Variants in PALM observed in about 807,000 individuals in gnomAD.
PALM encodes the protein paralemmin, also known as paralemmin-1.
Under a neutral mutation model 30.7 loss-of-function variants are expected in PALM, and 18 were observed. The observed-to-expected ratio is 0.59, with a 90% CI of 0.41 to 0.87. The LOEUF (loss-of-function observed/expected upper bound fraction) is 0.87. Ranked by LOEUF, PALM falls within the 40% of genes least tolerant of loss-of-function variation. PALM has a pLI of 0.00. For synonymous variants in PALM, 286 were observed against 242.8 expected, an observed-to-expected ratio of 1.18 and a Z score of -1.66; for missense variants, 529 against 555.4, an observed-to-expected ratio of 0.95 and a Z score of 0.48.
chr19:719,408 G>A (rs917283938), intron 1 of PALM: 1 of 985,292 alleles, frequency 1.0e-6, no homozygotes, highest in Non-Finnish European at 1.2e-6. Context: ...GCCCCGAGCC[G>A]CCCACACCGC....
rs181061507 is a variant in PALM at position 720,709 on chromosome 19, G to T, written c.6-5429G>T. On this transcript the variant is annotated intron_variant, in intron 1 of 8. Transcript: ENST00000338448. ...GCTGCTTCCCGCGCGTTCCCTGCCC[G>T]CCCGCCTGACATTCCCCCGCCCTGG... Among the ~76,000 whole-genome samples, 1,241 of 152,040 alleles carry T rather than the reference G, an allele frequency of 8.2e-3. 24 individuals carry two copies. Among genetic ancestry groups the T allele is most frequent in the African/African-American group, 0.028 (1,155 of 41,422 alleles).
rs2032731073 is a variant in PALM at position 727,638 on chromosome 19, G to A, written c.213G>A (p.Arg71=). ...CCTCAGAGGGGGATGAGGACCTGAG[G>A]AGGCAGATGCAGGACGACGAGCAGA... is the stretch of plus-strand genomic sequence containing the variant. ...SSASEGDEDL[R]RQMQDDEQKT... Residue 71 remains arginine (R), a synonymous_variant, in exon 4 of 9, where the codon AGG becomes AGA. Coordinates refer to ENST00000338448, the MANE Select transcript of PALM (RefSeq NM_002579.3). 5 of 1,574,246 alleles carry A rather than the reference G, an allele frequency of 3.2e-6. No homozygotes were observed. Among genetic ancestry groups the A allele is most frequent in the Non-Finnish European group, 2.6e-6 (3 of 1,160,020 alleles).
At position 733,090 on chromosome 19, in the gene PALM, C is replaced by A. The variant is rs149724933; in HGVS notation, c.421-1083C>A. Among the ~76,000 whole-genome samples, 1,451 of 152,182 alleles carry A rather than the reference C, an allele frequency of 9.5e-3. 14 individuals carry two copies. Among genetic ancestry groups the A allele is most frequent in the Middle Eastern group, 0.037 (11 of 294 alleles). The stretch of plus-strand genomic sequence containing the variant: ...TGCAGGCGCCCGCCACCACGCCCAG[C>A]TAATTTTGTATTTTTAGTAGAGACA... On this transcript the variant is annotated intron_variant, in intron 5 of 8. Transcript: ENST00000338448.
chr19:736,414 C>T (rs2033026585), intron 7 of PALM, among the ~76,000 whole-genome samples: 1 of 152,160 alleles, frequency 6.6e-6, no homozygotes, highest in African/African-American at 2.4e-5. Context: ...GCGCTCACGC[C>T]TGAACATGCT....
intron 3 of PALM, among the ~76,000 whole-genome samples, chr19:727,310 C>A (rs35790456): frequency 0.65 from 92,251 of 141,000 alleles, 30,404 homozygotes; most frequent in Admixed American, 0.74. Context: ...CCGACCCTGA[C>A]CCTGATCTCA....
intron 1 of PALM, chr19:719,526 G>C (rs2032384782): frequency 6.1e-6 from 6 of 985,516 alleles, no homozygotes; most frequent in Non-Finnish European, 7.2e-6. Context: ...CCGGGAGCCA[G>C]GGAGGCTCGG....
intron 3 of PALM, 136 bp downstream of exon 3, chr19:727,224 C>CTGA: frequency 3.5e-5 from 20 of 568,786 alleles, no homozygotes; most frequent in Non-Finnish European, 5.1e-5. Context: ...GACCCTGACC[C>CTGA]CGACCCTGAC....
At chr19:723,440 C>T (rs185122846) in intron 1 of PALM, among the ~76,000 whole-genome samples, 23 of 152,230 alleles carry the variant, frequency 1.5e-4, no homozygotes, top group African/African-American at 5.1e-4. Context: ...CTGTTGATGC[C>T]GCCCAGAGCT....
intron 8 of PALM, among the ~76,000 whole-genome samples, chr19:740,712 C>G (rs1406959244): frequency 2.6e-5 from 4 of 152,220 alleles, no homozygotes; most frequent in Admixed American, 2.6e-4. Context: ...AGAAAGCTGC[C>G]TGAAAGCTGA....
intron 8 of PALM, among the ~76,000 whole-genome samples, chr19:743,410 G>A (rs1235359166): frequency 2.6e-5 from 4 of 152,164 alleles, no homozygotes; most frequent in East Asian, 1.9e-4. Context: ...CATGGCAGCC[G>A]AGGGCTCCAA....
chr19:743,586 T>A (rs1568234396), intron 8 of PALM, among the ~76,000 whole-genome samples: 1 of 152,220 alleles, frequency 6.6e-6, no homozygotes. Context: ...ACTTTCCTTC[T>A]GGTCTGTAGC....
chr19:710,988 G>A (rs140748012), intron 1 of PALM, among the ~76,000 whole-genome samples: 1 of 152,226 alleles, frequency 6.6e-6, no homozygotes, highest in Non-Finnish European at 1.5e-5. Flanking sequence ...GAACGTGATC[G>A]CTTGCCTCCT....
At chr19:720,255 C>G (rs1318682294) in intron 1 of PALM, among the ~76,000 whole-genome samples, 1 of 151,880 alleles carries the variant, frequency 6.6e-6, no homozygotes, top group African/African-American at 2.4e-5. Context: ...GCGCGGTTGC[C>G]ACGGCGACCG....
intron 1 of PALM, among the ~76,000 whole-genome samples, chr19:724,989 G>A (rs539111592): frequency 8.2e-4 from 125 of 151,664 alleles, no homozygotes; most frequent in African/African-American, 1.2e-3. Context: ...GCGCGATCTC[G>A]GCTCACTGCA....
At chr19:720,293 C>G (rs990624287) in intron 1 of PALM, among the ~76,000 whole-genome samples, 1 of 150,624 alleles carries the variant, frequency 6.6e-6, no homozygotes, top group Non-Finnish European at 1.5e-5. Flanking sequence ...CATCCATCAC[C>G]GGGGCGGCGG....
intron 7 of PALM, among the ~76,000 whole-genome samples, chr19:736,323 A>C (rs762968332): frequency 2.0e-5 from 3 of 151,940 alleles, no homozygotes; most frequent in Non-Finnish European, 4.4e-5. Flanking sequence ...GGCCCCACGC[A>C]TGGCGGCTCT....
rs767901732 is a variant in PALM at position 746,709 on chromosome 19, G to C, written c.1059G>C (p.Glu353Asp). 1.9e-6 allele frequency: 3 copies of C among 1,608,494 alleles called. No homozygotes were observed. The South Asian group carries it at 3.3e-5, about 18-fold the overall frequency. The part of the protein sequence containing the change: ...PNGSAAEPPT[E>D]AASREENQAG... Reference sequence around the variant, plus strand: ...GCAGTGCTGCCGAGCCTCCCACGGAGGCCGCCTCCAGGGAAGAGAATCAGG... The same window carrying C: ...GCAGTGCTGCCGAGCCTCCCACGGACGCCGCCTCCAGGGAAGAGAATCAGG... The change falls in exon 9 of 9, where the codon GAG becomes GAC. Residue 353 changes from glutamate (E) to aspartate (D), a missense_variant. Transcript: ENST00000338448. This position sits in a 1 kb window ranked among gnomAD's most constrained non-coding sequence, Gnocchi z 7.1.
At chr19:725,150 T>C (rs2032617236) in intron 1 of PALM, among the ~76,000 whole-genome samples, 1 of 149,112 alleles carries the variant, frequency 6.7e-6, no homozygotes, top group Non-Finnish European at 1.5e-5. Context: ...GGTCTCGAAC[T>C]CCTGACCTCA....
intron 1 of PALM, among the ~76,000 whole-genome samples, chr19:710,171 T>C (rs2032025560): frequency 6.6e-6 from 1 of 152,090 alleles, no homozygotes. Flanking sequence ...TGTGGCCCCC[T>C]GCCCTTCCCA....
Sources: allele counts gnomAD v4.1 joint callset (sites outside exome capture counted in the v4.1 genomes callset), GRCh38; gene constraint gnomAD v4.1.1; non-coding constraint Gnocchi (gnomAD v3.1); transcripts MANE v1.5; gene names NCBI Gene and HGNC (gene_info 2026-07-23, HGNC 2026-07-21).